The following EGFLAM variants were observed in gnomAD, a reference collection of about 807,000 sequenced individuals.
The protein encoded by EGFLAM is pikachurin.
In EGFLAM, 79 loss-of-function variants were observed where a neutral mutation model predicts 113.1. The ratio of observed to expected loss-of-function variants is 0.70; its 90% CI spans 0.58 to 0.84. The LOEUF (loss-of-function observed/expected upper bound fraction) is 0.84, where lower values mean the gene tolerates loss of function less well. EGFLAM is among the 40% of genes least tolerant of loss of function. The pLI is 0.00. For missense variants in EGFLAM, 1,265 were observed against 1,291.6 expected (o/e 0.98, Z 0.32); for synonymous variants, 504 against 487.6 (o/e 1.03, Z -0.44).
intron 6 of EGFLAM, among the ~76,000 whole-genome samples, chr5:38,384,149 T>G (rs536285428): frequency 2.0e-5 from 3 of 152,154 alleles, no homozygotes; most frequent in South Asian, 2.1e-4. Flanking sequence ...GAGGCAATTT[T>G]ATATTGCTTT....
chr5:38,399,036 G>C (rs368626772), intron 6 of EGFLAM, among the ~76,000 whole-genome samples: 1 of 152,174 alleles, frequency 6.6e-6, no homozygotes, highest in African/African-American at 2.4e-5. Flanking sequence ...TTCTAAAAAG[G>C]CTGGGTCAGA....
At chr5:38,444,086 A>G (rs1309710172) in intron 17 of EGFLAM, among the ~76,000 whole-genome samples, 2 of 151,988 alleles carry the variant, frequency 1.3e-5, no homozygotes, top group Non-Finnish European at 2.9e-5. Flanking sequence ...TTTATAGTCT[A>G]TTGGGAATTC....
chr5:38,380,386 C>T (rs761322033), intron 6 of EGFLAM, among the ~76,000 whole-genome samples: 2 of 152,172 alleles, frequency 1.3e-5, no homozygotes, highest in Non-Finnish European at 2.9e-5. Flanking sequence ...AAAGAAGAGA[C>T]CTGGAGAGCC....
In EGFLAM at chr5:38,418,205, T is replaced by C. The variant is rs760505828; in HGVS notation, c.1634T>C (p.Ile545Thr). Residue 545 changes from isoleucine (I) to threonine (T), a missense_variant, in exon 12 of 22, where the codon ATT becomes ACT. Ile to Thr is a moderately conservative substitution (Grantham distance 89). Coordinates refer to ENST00000322350, the MANE Select transcript of EGFLAM (RefSeq NM_152403.4). ...VQSLAVNGRR[I>T]DMRPWPLGKA... Reference sequence around the variant, plus strand: ...TCGCTCGCTGTGAATGGGAGGAGAATTGACATGAGGCCCTGGCCCCTGGGA... The same window carrying C: ...TCGCTCGCTGTGAATGGGAGGAGAACTGACATGAGGCCCTGGCCCCTGGGA... 2 of 1,614,040 alleles carry C rather than the reference T, an allele frequency of 1.2e-6. No individual in the cohort carries two copies. Among genetic ancestry groups the C allele is most frequent in the South Asian group, 1.1e-5 (1 of 91,070 alleles).
chr5:38,444,975 C>G (rs1742661030), intron 17 of EGFLAM, among the ~76,000 whole-genome samples: 1 of 152,158 alleles, frequency 6.6e-6, no homozygotes, highest in African/African-American at 2.4e-5. Context: ...ATGTTTACAA[C>G]ATTTAAACCA....
chr5:38,274,148 C>T (rs533480674), intron 1 of EGFLAM, among the ~76,000 whole-genome samples: 151 of 151,152 alleles, frequency 1.0e-3, no homozygotes, highest in Admixed American at 5.4e-3. Context: ...AAATATACAG[C>T]GAGGATTAAA....
intron 1 of EGFLAM, among the ~76,000 whole-genome samples, chr5:38,307,228 G>T (rs1212458874): frequency 6.6e-6 from 1 of 152,146 alleles, no homozygotes; most frequent in Non-Finnish European, 1.5e-5. Context: ...ATTTTTATTT[G>T]TCTATCTGTT....
chr5:38,273,689 A>T (rs1317304937), intron 1 of EGFLAM, among the ~76,000 whole-genome samples: 1 of 152,240 alleles, frequency 6.6e-6, no homozygotes, highest in African/African-American at 2.4e-5. Context: ...ACACCCTGAC[A>T]ACCTGCCCAA....
rs199932287 is a variant in EGFLAM, at chr5:38,451,354, A to T, written c.2583A>T (p.Lys861Asn). The T allele has an allele frequency of 6.8e-6, 11 of 1,614,102 alleles. No individual in the cohort carries two copies. Among genetic ancestry groups the T allele is most frequent in the Non-Finnish European group, 9.3e-6 (11 of 1,180,036 alleles). The change falls in exon 19 of 22, where the codon AAA (lysine) becomes AAT (asparagine). Residue 861 changes from lysine to asparagine, a missense_variant. Physicochemically the swap from Lys to Asn is moderately conservative, Grantham distance 94. Coordinates refer to ENST00000322350, the MANE Select transcript of EGFLAM (RefSeq NM_152403.4). ...GSRSNVFMRF[K>N]TTAKDGLLLW... ...GATCAAATGTGTTCATGAGGTTTAA[A>T]ACAACTGCCAAGGATGGCCTTTTGC...
chr5:38,416,708 G>A (rs1322890074), intron 11 of EGFLAM, among the ~76,000 whole-genome samples: 1 of 152,178 alleles, frequency 6.6e-6, no homozygotes, highest in Non-Finnish European at 1.5e-5. Flanking sequence ...GGCCAGGATG[G>A]GATCCAGAAG....
chr5:38,292,003 A>G (rs1055931439), intron 1 of EGFLAM, among the ~76,000 whole-genome samples: 1 of 152,138 alleles, frequency 6.6e-6, no homozygotes, highest in Non-Finnish European at 1.5e-5. Context: ...GCAACCTGTG[A>G]AGTTTTCTAA....
intron 1 of EGFLAM, among the ~76,000 whole-genome samples, chr5:38,280,370 A>G (rs1757982686): frequency 6.6e-6 from 1 of 152,090 alleles, no homozygotes; most frequent in African/African-American, 2.4e-5. Flanking sequence ...TCAGTGTTCT[A>G]TGGGGCCTGA....
chr5:38,316,533 C>T (rs1738599284), intron 1 of EGFLAM, among the ~76,000 whole-genome samples: 1 of 152,152 alleles, frequency 6.6e-6, no homozygotes, highest in East Asian at 1.9e-4. Context: ...TTAACATATC[C>T]AAAGCTCCAA....
intron 1 of EGFLAM, among the ~76,000 whole-genome samples, chr5:38,317,077 C>T (rs1243996264): frequency 4.6e-5 from 7 of 152,142 alleles, no homozygotes; most frequent in African/African-American, 1.7e-4. Flanking sequence ...ACGGTCAAAT[C>T]CTGACTTCTT....
intron 3 of EGFLAM, among the ~76,000 whole-genome samples, 199 bp downstream of exon 3, chr5:38,338,980 G>A (rs1434626272): frequency 3.3e-5 from 5 of 152,176 alleles, no homozygotes; most frequent in Non-Finnish European, 7.3e-5. Flanking sequence ...GGCATCTGAC[G>A]AAAGAGTCCT....
intron 17 of EGFLAM, among the ~76,000 whole-genome samples, chr5:38,440,608 G>A (rs1325919258): frequency 6.6e-6 from 1 of 152,222 alleles, no homozygotes; most frequent in African/African-American, 2.4e-5. Context: ...CAAGAATGGT[G>A]AGAAGCCATC....
chr5:38,392,332 C>T (rs903440894), intron 6 of EGFLAM, among the ~76,000 whole-genome samples: 4 of 152,166 alleles, frequency 2.6e-5, no homozygotes, highest in Non-Finnish European at 5.9e-5. Context: ...TGTATATGTA[C>T]CAGATTTTCT....
intron 18 of EGFLAM, among the ~76,000 whole-genome samples, chr5:38,449,270 G>A (rs1233350400): frequency 6.6e-6 from 1 of 152,128 alleles, no homozygotes; most frequent in Non-Finnish European, 1.5e-5. Context: ...GTGGAGTTTG[G>A]TGGCTTTTCA....
chr5:38,399,376 C>T (rs1323335684), intron 6 of EGFLAM, among the ~76,000 whole-genome samples: 1 of 151,278 alleles, frequency 6.6e-6, no homozygotes, highest in East Asian at 2.0e-4. Flanking sequence ...CTCCCAGGCT[C>T]AAGCGATCCT....
Sources: gnomAD v4.1 joint callset for allele counts (sites outside exome capture counted in the v4.1 genomes callset) on GRCh38, gnomAD v4.1.1 for gene constraint, MANE v1.5 for transcripts, NCBI Gene and HGNC (gene_info 2026-07-23, HGNC 2026-07-21) for gene names.